The following KPNA1 variants were observed in gnomAD, a reference collection of about 807,000 sequenced individuals.
KPNA1 encodes the protein importin subunit alpha-5.
In KPNA1, 10 loss-of-function variants were observed where a neutral mutation model predicts 70.5. That is an observed-to-expected ratio of 0.14 (90% CI 0.09 to 0.24). The LOEUF is 0.24. Ranked by LOEUF, KPNA1 falls within the 10% of genes least tolerant of loss-of-function variation. KPNA1 has a pLI of 1.00. For synonymous variants in KPNA1, 192 were observed against 221.9 expected, an observed-to-expected ratio of 0.87 and a Z score of 1.20; for missense variants, 397 against 637.9, an observed-to-expected ratio of 0.62 and a Z score of 4.07.
intron 1 of KPNA1, chr3:122,514,479 G>C (rs1299414050): frequency 6.6e-6 from 1 of 150,706 alleles, no homozygotes; most frequent in African/African-American, 2.5e-5. Flanking sequence ...CCGCCGCCGC[G>C]CCACGCCGCC....
intron 2 of KPNA1, among the ~76,000 whole-genome samples, chr3:122,495,008 T>C (rs561527472): frequency 1.3e-4 from 20 of 152,070 alleles, no homozygotes; most frequent in African/African-American, 4.8e-4. Context: ...TCCCAGCACT[T>C]TGGGAGGCTG....
chr3:122,478,159 TC>T (rs2076524909), intron 2 of KPNA1, among the ~76,000 whole-genome samples: 1 of 58,026 alleles, frequency 1.7e-5, no homozygotes, highest in Admixed American at 1.9e-4. Flanking sequence ...AGATGCTGTC[TC>T]AAAAAAAAAA....
chr3:122,436,134 T>C (rs2075983341), intron 11 of KPNA1, among the ~76,000 whole-genome samples: 1 of 152,160 alleles, frequency 6.6e-6, no homozygotes, highest in African/African-American at 2.4e-5. Flanking sequence ...TCTTATATGG[T>C]TGTGGATAAG....
chr3:122,494,798 C>T (rs985880391), intron 2 of KPNA1, among the ~76,000 whole-genome samples: 1 of 152,050 alleles, frequency 6.6e-6, no homozygotes, highest in Non-Finnish European at 1.5e-5. Flanking sequence ...AAATGAACAT[C>T]GTGTTAATCA....
chr3:122,491,900 C>T (rs1454347820), intron 2 of KPNA1, among the ~76,000 whole-genome samples: 1 of 115,656 alleles, frequency 8.6e-6, no homozygotes, highest in Non-Finnish European at 1.6e-5. Flanking sequence ...TTCGCTCTGT[C>T]GCCCAGGCTG....
intron 1 of KPNA1, among the ~76,000 whole-genome samples, chr3:122,500,020 T>C (rs1439449629): frequency 6.6e-6 from 1 of 152,228 alleles, no homozygotes; most frequent in Admixed American, 6.5e-5. Context: ...AGATTGTCTG[T>C]TCCTCTTATT....
At position 122,449,688 on chromosome 3, in the gene KPNA1, G is replaced by C. The variant is rs1257791130; in HGVS notation, c.803C>G (p.Thr268Ser). Residue 268 changes from threonine (T) to serine (S), a missense_variant, in exon 9 of 14, where the codon ACT (threonine) becomes AGT (serine). Transcript: ENST00000344337. ...VLSWLLFVSD[T>S]DVLADACWAL... Reference sequence around the variant, plus strand: ...CCAGCAGGCATCAGCCAGTACATCAGTGTCACTGACAAACAGCAACCAGGA... The same window carrying C: ...CCAGCAGGCATCAGCCAGTACATCACTGTCACTGACAAACAGCAACCAGGA... 1.2e-6 allele frequency: 2 copies of C among 1,613,538 alleles called. No homozygotes were observed. Among genetic ancestry groups the C allele is most frequent in the African/African-American group, 2.7e-5 (2 of 74,890 alleles).
intron 1 of KPNA1, among the ~76,000 whole-genome samples, chr3:122,513,027 T>C (rs1388432733): frequency 2.0e-5 from 3 of 152,256 alleles, no homozygotes; most frequent in Non-Finnish European, 4.4e-5. Context: ...TGATCGCGAC[T>C]ATATCCCCCC....
intron 9 of KPNA1, among the ~76,000 whole-genome samples, chr3:122,446,542 T>C (rs569924517): frequency 1.3e-5 from 2 of 152,324 alleles, no homozygotes; most frequent in East Asian, 1.9e-4. Context: ...GGGAAATTTA[T>C]AGCACTAAAT....
intron 2 of KPNA1, among the ~76,000 whole-genome samples, chr3:122,477,993 C>A (rs1228190530): frequency 6.6e-6 from 1 of 151,428 alleles, no homozygotes; most frequent in African/African-American, 2.4e-5. Flanking sequence ...GAAACCCCGT[C>A]TCTAATAAAA....
At chr3:122,478,197 A>T (rs2076526314) in intron 2 of KPNA1, among the ~76,000 whole-genome samples, 1 of 151,916 alleles carries the variant, frequency 6.6e-6, no homozygotes, top group Non-Finnish European at 1.5e-5. Flanking sequence ...AGAAAAAGAA[A>T]AAAGGGTCCA....
chr3:122,486,395 T>G (rs2076628968), intron 2 of KPNA1, among the ~76,000 whole-genome samples: 1 of 152,162 alleles, frequency 6.6e-6, no homozygotes, highest in Non-Finnish European at 1.5e-5. Context: ...ATAATTCCAT[T>G]TATGGTAACT....
intron 9 of KPNA1, among the ~76,000 whole-genome samples, chr3:122,445,544 C>T (rs940339878): frequency 2.6e-5 from 4 of 152,118 alleles, no homozygotes; most frequent in Admixed American, 6.5e-5. Context: ...AAGGAACAAC[C>T]GGTACCAGCC....
chr3:122,508,324 C>T (rs189612443), intron 1 of KPNA1, among the ~76,000 whole-genome samples: 1 of 152,212 alleles, frequency 6.6e-6, no homozygotes, highest in Admixed American at 6.5e-5. Context: ...CACTACCTAC[C>T]CACAAACAGG....
chr3:122,476,369 T>C (rs867600644), intron 2 of KPNA1, among the ~76,000 whole-genome samples: 1 of 152,212 alleles, frequency 6.6e-6, no homozygotes, highest in Non-Finnish European at 1.5e-5. Flanking sequence ...GTCTAGACAA[T>C]GATTTTTTGG....
chr3:122,452,891 A>G (rs1179024250), intron 6 of KPNA1, among the ~76,000 whole-genome samples: 1 of 152,210 alleles, frequency 6.6e-6, no homozygotes, highest in Non-Finnish European at 1.5e-5. Context: ...ATAAGAAAAC[A>G]GTGAACAAAA....
intron 1 of KPNA1, among the ~76,000 whole-genome samples, chr3:122,510,786 CTT>C (rs2076946809): frequency 6.6e-6 from 1 of 152,156 alleles, no homozygotes; most frequent in African/African-American, 2.4e-5. Flanking sequence ...AAAATGGTAG[CTT>C]TTCAAGTGCA....
chr3:122,469,298 T>C (rs2076415770), intron 2 of KPNA1, among the ~76,000 whole-genome samples: 1 of 152,114 alleles, frequency 6.6e-6, no homozygotes, highest in East Asian at 1.9e-4. Flanking sequence ...ATTGGATGTC[T>C]GAAAGAACTC....
rs1489710970 is a variant in KPNA1, at chr3:122,422,902, CTTCTT to C, written c.*4078_*4082del. 1 of 152,216 alleles carries C rather than the reference CTTCTT, an allele frequency of 6.6e-6. No individual in the cohort carries two copies. The highest frequency in any genetic ancestry group is 1.5e-5 in the Non-Finnish European group (1 of 68,032). 9.4% of individuals were successfully genotyped at this position (152,216 alleles called of 1,614,324 possible). ...CCTTAGTTGAAAACAGAACGGAACA[CTTCTT>C]TTCTTTCTTCTTACCCCAAGCTTCC... On this transcript the variant is annotated 3_prime_UTR_variant, in exon 14 of 14. Transcript: ENST00000344337.
Sources: allele counts gnomAD v4.1 joint callset (sites outside exome capture counted in the v4.1 genomes callset), GRCh38; gene constraint gnomAD v4.1.1; transcripts MANE v1.5; gene names NCBI Gene and HGNC (gene_info 2026-07-23, HGNC 2026-07-21).